Variants in SCFD1 observed in about 807,000 individuals in gnomAD.
The protein encoded by SCFD1 is sec1 family domain containing 1.
In SCFD1, 37 loss-of-function variants were observed where a neutral mutation model predicts 103.2. The ratio of observed to expected loss-of-function variants is 0.36; its 90% CI spans 0.28 to 0.47. The LOEUF is 0.47. SCFD1 is among the 20% of genes least tolerant of loss of function. The pLI is 1.00. For synonymous variants in SCFD1, 264 were observed against 245.0 expected (o/e 1.08, Z -0.73); for missense variants, 639 against 761.2 (o/e 0.84, Z 1.89).
intron 14 of SCFD1, among the ~76,000 whole-genome samples, chr14:30,690,813 A>G (rs996609811): frequency 2.0e-5 from 3 of 152,146 alleles, no homozygotes; most frequent in Non-Finnish European, 2.9e-5. Flanking sequence ...AGCTGTTCCT[A>G]TTCGGCCATC....
chr14:30,631,289 G>A (rs965960583), intron 3 of SCFD1, among the ~76,000 whole-genome samples: 1 of 152,108 alleles, frequency 6.6e-6, no homozygotes, highest in African/African-American at 2.4e-5. Context: ...GGAGGCAGAG[G>A]TTGCAGTGAG....
chr14:30,730,113 G>A (rs1893343889), intron 23 of SCFD1, among the ~76,000 whole-genome samples: 1 of 152,100 alleles, frequency 6.6e-6, no homozygotes, highest in South Asian at 2.1e-4. Flanking sequence ...GCAGTGTTTG[G>A]TTTTTTGTTC....
intron 10 of SCFD1, among the ~76,000 whole-genome samples, chr14:30,661,923 T>A (rs1210014344): frequency 6.6e-6 from 1 of 152,162 alleles, no homozygotes; most frequent in Non-Finnish European, 1.5e-5. Flanking sequence ...TGTTGATTTA[T>A]CTTATGAAGG....
intron 1 of SCFD1, among the ~76,000 whole-genome samples, chr14:30,626,690 T>G (rs1883489205): frequency 6.6e-6 from 1 of 152,170 alleles, no homozygotes; most frequent in South Asian, 2.1e-4. Context: ...CTCTCCTATG[T>G]GTGTTGCCCC....
chr14:30,628,077 A>G (rs537260217), intron 1 of SCFD1, 132 bp from the exon 2 acceptor site: 4 of 607,642 alleles, frequency 6.6e-6, no homozygotes, highest in Non-Finnish European at 8.7e-6. Flanking sequence ...AGTTCTACAC[A>G]TATAGTCATT....
In SCFD1 at chr14:30,643,227, A is replaced by G. The variant is rs543307716; in HGVS notation, c.524-89A>G. 128 of 896,646 alleles carry G rather than the reference A, an allele frequency of 1.4e-4. No homozygotes were observed. In the South Asian group the frequency reaches 1.7e-3, roughly 12 times the overall value. 55.5% of individuals were successfully genotyped at this position (896,646 alleles called of 1,614,324 possible). A position where few individuals can be genotyped will look rare whatever the true frequency, so the allele number is the denominator to read the frequency against. On this transcript the variant is annotated intron_variant, in intron 6 of 24. Transcript: ENST00000458591. ...ACTTGCTGAGTTTTATTATATGTCA[A>G]TTAAGAATTTAGTAATAATTTTAGG...
At chr14:30,726,321 T>C (rs1893042599) in intron 23 of SCFD1, among the ~76,000 whole-genome samples, 2 of 152,216 alleles carry the variant, frequency 1.3e-5, no homozygotes, top group South Asian at 2.1e-4. Flanking sequence ...ATAACAATTA[T>C]TAATCTAGTT....
intron 6 of SCFD1, among the ~76,000 whole-genome samples, chr14:30,642,572 A>G (rs1885390743): frequency 6.6e-6 from 1 of 152,186 alleles, no homozygotes; most frequent in African/African-American, 2.4e-5. Flanking sequence ...AGAGAAATTT[A>G]TATAACTTAA....
At chr14:30,697,838 T>C (rs926057992) in intron 15 of SCFD1, among the ~76,000 whole-genome samples, 6 of 152,204 alleles carry the variant, frequency 3.9e-5, no homozygotes, top group African/African-American at 4.8e-5. Context: ...AACTGTTTCA[T>C]ACAGAAGAAG....
intron 14 of SCFD1, among the ~76,000 whole-genome samples, chr14:30,693,114 A>G (rs1436257709): frequency 6.6e-6 from 1 of 152,212 alleles, no homozygotes; most frequent in Non-Finnish European, 1.5e-5. Flanking sequence ...AAGAATATGA[A>G]GGGCTGGAGA....
chr14:30,709,558 C>T (rs1891717900), intron 19 of SCFD1, among the ~76,000 whole-genome samples: 1 of 152,100 alleles, frequency 6.6e-6, no homozygotes, highest in African/African-American at 2.4e-5. Context: ...AAATTATTGT[C>T]AATCTCTCTC....
In SCFD1 at chr14:30,654,495, G is replaced by A. The variant is rs147887742; in HGVS notation, c.855+907G>A. Among the ~76,000 whole-genome samples, 198 of 152,234 alleles carry A rather than the reference G, an allele frequency of 1.3e-3. 1 individual carries two copies. Among genetic ancestry groups the A allele is most frequent in the African/African-American group, 4.1e-3 (171 of 41,538 alleles). ...TAAAGACCAGCCTGGCCAACGTGGC[G>A]AAATCCTGTCTCTATTGAAAATACA... On this transcript the variant is annotated intron_variant, in intron 10 of 24. Transcript: ENST00000458591.
At chr14:30,683,167 C>G in intron 14 of SCFD1, 1 of 1,112,510 alleles carries the variant, frequency 9.0e-7, no homozygotes, top group Admixed American at 1.8e-5. Context: ...TTGGGTTCTC[C>G]TAGTAGGCTG....
At chr14:30,709,846 G>T (rs548415131) in intron 19 of SCFD1, among the ~76,000 whole-genome samples, 1 of 152,320 alleles carries the variant, frequency 6.6e-6, no homozygotes, top group African/African-American at 2.4e-5. Flanking sequence ...TTGCTAGATA[G>T]ACTGGCTATT....
intron 4 of SCFD1, chr14:30,634,782 G>T (rs759011058): frequency 2.2e-6 from 1 of 455,698 alleles, no homozygotes; most frequent in South Asian, 1.6e-5. Context: ...CTTGCTTGTC[G>T]CTGCGCCTGT....
At chr14:30,629,335 TAAC>T (rs1377130119) in intron 2 of SCFD1, among the ~76,000 whole-genome samples, 1 of 152,206 alleles carries the variant, frequency 6.6e-6, no homozygotes, top group Non-Finnish European at 1.5e-5. Context: ...TGTGTTTTCA[TAAC>T]AACATGTTTC....
rs76137932 is a variant in SCFD1 at position 30,636,588 on chromosome 14, T to C, written c.313-1537T>C. On this transcript the variant is annotated intron_variant, in intron 4 of 24. Coordinates refer to ENST00000458591, the MANE Select transcript of SCFD1 (RefSeq NM_016106.4). ...CTCAGTTCTATTGCATTGATATCTA[T>C]GTCTTTCCTTATGCCTGTACCACAC... Among the ~76,000 whole-genome samples, 196 of 152,262 alleles carry C rather than the reference T, an allele frequency of 1.3e-3. 1 individual carries two copies. In the East Asian group the frequency reaches 0.029, roughly 22 times the overall value.
chr14:30,644,793 A>T (rs1025370987), intron 7 of SCFD1, among the ~76,000 whole-genome samples: 1 of 152,048 alleles, frequency 6.6e-6, no homozygotes, highest in South Asian at 2.1e-4. Flanking sequence ...TTGTCCATTC[A>T]CTTTGCTGAT....
At chr14:30,700,941 A>T (rs114440950) in intron 16 of SCFD1, among the ~76,000 whole-genome samples, 2 of 152,264 alleles carry the variant, frequency 1.3e-5, no homozygotes, top group Non-Finnish European at 2.9e-5. Flanking sequence ...TGTCCAATGT[A>T]GAAAATACGT....
Sources: gnomAD v4.1 joint callset for allele counts (sites outside exome capture counted in the v4.1 genomes callset) on GRCh38, gnomAD v4.1.1 for gene constraint, MANE v1.5 for transcripts, NCBI Gene and HGNC (gene_info 2026-07-23, HGNC 2026-07-21) for gene names.